The following VPS13B variants were observed in gnomAD, a reference collection of about 807,000 sequenced individuals.
VPS13B encodes vacuolar protein sorting 13 homolog B, also known as intermembrane lipid transfer protein VPS13B.
Under a neutral mutation model 426.4 loss-of-function variants are expected in VPS13B, and 285 were observed. That is an observed-to-expected ratio of 0.67 (90% CI 0.61 to 0.74). VPS13B has a LOEUF of 0.74. Ranked by LOEUF, VPS13B falls within the 30% of genes least tolerant of loss-of-function variation. VPS13B has a pLI of 0.00. For missense variants in VPS13B, 4,537 were observed against 4,782.6 expected (o/e 0.95, Z 1.51); for synonymous variants, 1,676 against 1,676.4 (o/e 1.00, Z 0.01).
intron 39 of VPS13B, among the ~76,000 whole-genome samples, chr8:99,754,248 T>C (rs1405070827): frequency 2.0e-5 from 3 of 152,088 alleles, no homozygotes; most frequent in Non-Finnish European, 2.9e-5. Flanking sequence ...TTTATCTCAT[T>C]GGTAGATTTT....
rs2132581220 is a variant in VPS13B at position 99,143,062 on chromosome 8, T to C, written c.1740T>C (p.Gly580=). 1 of 1,614,050 alleles carries C rather than the reference T, an allele frequency of 6.2e-7. No individual in the cohort carries two copies. The highest frequency in any genetic ancestry group is 1.1e-5 in the South Asian group (1 of 91,084). The part of the protein sequence containing the change: ...QEKSTKSLVI[G]PLDFRLDSSA... ...AGTCCACCAAAAGCCTTGTTATAGG[T>C]CCTCTTGATTTTCGTTTGGATAGCA... Residue 580 remains glycine (G), a synonymous_variant, in exon 13 of 62, where the codon GGT becomes GGC. Transcript: ENST00000357162.
intron 2 of VPS13B, among the ~76,000 whole-genome samples, chr8:99,023,445 C>T (rs1420110407): frequency 2.0e-5 from 3 of 151,108 alleles, no homozygotes; most frequent in Admixed American, 6.6e-5. Context: ...AATAGTATTC[C>T]GTTGTGTGTA....
intron 33 of VPS13B, among the ~76,000 whole-genome samples, chr8:99,594,840 T>C (rs1191322887): frequency 2.0e-5 from 3 of 151,964 alleles, no homozygotes; most frequent in Non-Finnish European, 4.4e-5. Flanking sequence ...TTTGCTCTGC[T>C]CACCTTGCTC....
intron 30 of VPS13B, among the ~76,000 whole-genome samples, chr8:99,537,360 AAT>A (rs1226516520): frequency 2.6e-5 from 4 of 152,218 alleles, no homozygotes; most frequent in African/African-American, 9.6e-5. Context: ...GTTTACTTAT[AAT>A]AATACTTCAT....
At chr8:99,467,950 C>G (rs773532390) in intron 24 of VPS13B, among the ~76,000 whole-genome samples, 8 of 152,132 alleles carry the variant, frequency 5.3e-5, no homozygotes, top group Non-Finnish European at 1.0e-4. Flanking sequence ...TTGAACTGAT[C>G]GAGTGTAATT....
chr8:99,247,906 G>A (rs1178929520), intron 17 of VPS13B, among the ~76,000 whole-genome samples: 1 of 152,104 alleles, frequency 6.6e-6, no homozygotes, highest in African/African-American at 2.4e-5. Flanking sequence ...TATATGCATT[G>A]GTAATGTGTT....
chr8:99,607,445 G>T (rs1827645253), intron 33 of VPS13B, among the ~76,000 whole-genome samples: 1 of 152,072 alleles, frequency 6.6e-6, no homozygotes, highest in African/African-American at 2.4e-5. Context: ...TACACTGTTG[G>T]GCCTAGACCT....
chr8:99,018,884 A>G (rs967166278), intron 2 of VPS13B, among the ~76,000 whole-genome samples: 3 of 152,172 alleles, frequency 2.0e-5, no homozygotes, highest in Admixed American at 6.5e-5. Context: ...GGTAAATTAC[A>G]TTGTTTTCAA....
intron 3 of VPS13B, among the ~76,000 whole-genome samples, chr8:99,082,208 G>A (rs1388397305): frequency 1.3e-5 from 2 of 152,154 alleles, no homozygotes; most frequent in Non-Finnish European, 2.9e-5. Flanking sequence ...TTCTCTGATG[G>A]CCAGTGATGA....
intron 54 of VPS13B, among the ~76,000 whole-genome samples, chr8:99,842,136 A>G (rs113618907): frequency 2.8e-3 from 430 of 152,380 alleles, no homozygotes; most frequent in African/African-American, 9.9e-3. Flanking sequence ...AGATATCAGT[A>G]GTACATTTTA....
At chr8:99,224,889 A>T (rs1028953386) in intron 17 of VPS13B, among the ~76,000 whole-genome samples, 4 of 152,090 alleles carry the variant, frequency 2.6e-5, no homozygotes, top group Non-Finnish European at 5.9e-5. Flanking sequence ...CTTAGATTCA[A>T]AGTTCCTCCC....
intron 23 of VPS13B, among the ~76,000 whole-genome samples, chr8:99,449,037 G>A (rs77430557): frequency 8.1e-4 from 124 of 152,224 alleles, no homozygotes; most frequent in African/African-American, 2.9e-3. Context: ...GGGGTAATTG[G>A]ATAAAGTAGG....
chr8:99,431,738 G>C (rs570299145), intron 22 of VPS13B, 74 bp downstream of exon 22: 1 of 1,490,888 alleles, frequency 6.7e-7, no homozygotes, highest in East Asian at 2.4e-5. Flanking sequence ...GTTAATATTG[G>C]TAAGACTTTT....
chr8:99,472,770 A>G (rs1400313551), intron 24 of VPS13B, among the ~76,000 whole-genome samples: 1 of 152,006 alleles, frequency 6.6e-6, no homozygotes, highest in Non-Finnish European at 1.5e-5. Context: ...AACAAAATTG[A>G]CAGTTCCTTA....
chr8:99,319,587 A>C (rs1252621282), intron 19 of VPS13B, among the ~76,000 whole-genome samples: 1 of 152,186 alleles, frequency 6.6e-6, no homozygotes, highest in Non-Finnish European at 1.5e-5. Context: ...TTGATGGTTA[A>C]TGTCAGTACT....
At chr8:99,845,526 A>T (rs1815937450) in intron 54 of VPS13B, among the ~76,000 whole-genome samples, 3 of 152,162 alleles carry the variant, frequency 2.0e-5, no homozygotes, top group Admixed American at 2.0e-4. Context: ...CTCTCTCACC[A>T]TTCTGTCTGT....
In VPS13B at chr8:99,584,375, C is replaced by T. The variant is rs562470676; in HGVS notation, c.5220+6742C>T. Reference sequence around the variant, plus strand: ...GACAATAAAATTTTAAAATTTTCAGCCCCCATGATGTTTATCCCTATAGAT... The same window carrying T: ...GACAATAAAATTTTAAAATTTTCAGTCCCCATGATGTTTATCCCTATAGAT... On this transcript the variant is annotated intron_variant, in intron 33 of 61. Coordinates refer to ENST00000357162, the MANE Select transcript of VPS13B (RefSeq NM_152564.5). Among the ~76,000 whole-genome samples, 21 of 152,234 alleles carry T rather than the reference C, an allele frequency of 1.4e-4. No homozygotes were observed. In the Middle Eastern group the frequency reaches 0.014, roughly 99 times the overall value.
At chr8:99,452,163 A>C (rs1818230025) in intron 23 of VPS13B, among the ~76,000 whole-genome samples, 1 of 152,070 alleles carries the variant, frequency 6.6e-6, no homozygotes, top group African/African-American at 2.4e-5. Context: ...CAGCCCTAGT[A>C]ACCTTTCTGT....
intron 36 of VPS13B, among the ~76,000 whole-genome samples, chr8:99,710,136 A>T (rs1275428022): frequency 6.6e-6 from 1 of 152,216 alleles, no homozygotes; most frequent in African/African-American, 2.4e-5. Context: ...CAAGTACAGA[A>T]AATGTACAGG....
Sources: gnomAD v4.1 joint callset for allele counts (sites outside exome capture counted in the v4.1 genomes callset) on GRCh38, gnomAD v4.1.1 for gene constraint, MANE v1.5 for transcripts, NCBI Gene and HGNC (gene_info 2026-07-23, HGNC 2026-07-21) for gene names.